The following MYO5B variants were observed in gnomAD, a reference collection of about 807,000 sequenced individuals.
MYO5B encodes the protein myosin VB.
A neutral mutation model predicts 229.3 loss-of-function variants in MYO5B; 143 were observed. The ratio of observed to expected loss-of-function variants is 0.62; its 90% CI spans 0.54 to 0.72. MYO5B has a LOEUF of 0.72. MYO5B is among the 30% of genes least tolerant of loss of function. The probability of loss-of-function intolerance (pLI) is 0.00; values close to 1 mark genes in which losing one functional copy is unlikely to be tolerated. For synonymous variants in MYO5B, 918 were observed against 885.2 expected, an observed-to-expected ratio of 1.04 and a Z score of -0.66; for missense variants, 2,321 against 2,331.0, an observed-to-expected ratio of 1.00 and a Z score of 0.09.
rs1417192283 is a variant in MYO5B, at chr18:50,169,991, T to C, written c.27+24776A>G. Among the ~76,000 whole-genome samples, 2 of 127,440 alleles carry C rather than the reference T, an allele frequency of 1.6e-5. 1 individual carries two copies. The highest frequency in any genetic ancestry group is 3.3e-5 in the Non-Finnish European group (2 of 59,856). 83.6% of individuals were successfully genotyped at this position (127,440 alleles called of 152,430 possible). On this transcript the variant is annotated intron_variant, in intron 1 of 39. Transcript: ENST00000285039. ...ATAAAATAAACTCTTTGATTGTCGA[T>C]GTCATGGTAGTAGGGTTTTCTGTTA...
intron 8 of MYO5B, among the ~76,000 whole-genome samples, chr18:49,982,365 T>C (rs1158896108): frequency 6.6e-6 from 1 of 152,186 alleles, no homozygotes; most frequent in East Asian, 1.9e-4. Context: ...GCCTACTTCC[T>C]TTACTCTTGA....
chr18:50,073,054 T>TCA (rs2030995477), intron 1 of MYO5B, among the ~76,000 whole-genome samples: 1 of 152,198 alleles, frequency 6.6e-6, no homozygotes, highest in Non-Finnish European at 1.5e-5. Flanking sequence ...CAAGGGACTC[T>TCA]CACCTAATCC....
chr18:50,097,332 A>G lies in MYO5B; in HGVS notation c.28-41954T>C, dbSNP rs921415576. On this transcript the variant is annotated intron_variant, in intron 1 of 39. Transcript: ENST00000285039. ...CAGACTGCAGGCACAGTGAAGGCAG[A>G]CACCCTGCCTTACCATTCTTTTGAT... 22 of 453,414 alleles carry G rather than the reference A, an allele frequency of 4.9e-5. 1 individual carries two copies. Among genetic ancestry groups the G allele is most frequent in the South Asian group, 3.3e-4 (21 of 64,232 alleles). The allele number at this position is 453,414 out of a possible 1,614,324, so 28.1% of individuals were successfully genotyped here.
intron 22 of MYO5B, among the ~76,000 whole-genome samples, chr18:49,893,748 G>A (rs543134311): frequency 2.6e-5 from 4 of 152,344 alleles, no homozygotes; most frequent in Admixed American, 1.3e-4. Context: ...GCTGAGGCCC[G>A]AGGTGGGAAG....
At chr18:49,914,631 T>G (rs2024992457) in intron 17 of MYO5B, among the ~76,000 whole-genome samples, 1 of 151,460 alleles carries the variant, frequency 6.6e-6, no homozygotes, top group Non-Finnish European at 1.5e-5. Flanking sequence ...AGTACAAAAA[T>G]TAGCTGGGCA....
intron 7 of MYO5B, among the ~76,000 whole-genome samples, chr18:49,986,925 A>G (rs2025876611): frequency 6.6e-6 from 1 of 152,224 alleles, no homozygotes; most frequent in African/African-American, 2.4e-5. Context: ...ACGACAATTT[A>G]TCTATGGCAT....
At chr18:49,876,402 G>A (rs1035640065) in intron 25 of MYO5B, 10 of 229,310 alleles carry the variant, frequency 4.4e-5, no homozygotes, top group Admixed American at 1.6e-4. Context: ...ACTCCAATGC[G>A]TGGGGATAGG....
chr18:50,194,193 C>T (rs1280977063), intron 1 of MYO5B, among the ~76,000 whole-genome samples: 1 of 152,266 alleles, frequency 6.6e-6, no homozygotes, highest in Non-Finnish European at 1.5e-5. Context: ...ATCCAGCCGC[C>T]GCGCCCTCAC....
intron 1 of MYO5B, among the ~76,000 whole-genome samples, chr18:50,192,051 C>T (rs1434881355): frequency 6.9e-6 from 1 of 144,572 alleles, no homozygotes; most frequent in East Asian, 2.0e-4. Flanking sequence ...CCTGTACCAG[C>T]AGACCATCCA....
At chr18:49,928,878 A>C (rs2025158315) in intron 17 of MYO5B, among the ~76,000 whole-genome samples, 1 of 152,224 alleles carries the variant, frequency 6.6e-6, no homozygotes, top group Non-Finnish European at 1.5e-5. Flanking sequence ...TGGAAAACAA[A>C]AGATGGTACA....
chr18:49,849,445 A>G, intron 32 of MYO5B, 122 bp downstream of exon 32: 1 of 817,580 alleles, frequency 1.2e-6, no homozygotes, highest in Non-Finnish European at 2.2e-6. Context: ...TGGACTGGGC[A>G]GAGCCACCAA....
At chr18:49,972,697 A>T (rs1020732081) in intron 10 of MYO5B, among the ~76,000 whole-genome samples, 2 of 152,180 alleles carry the variant, frequency 1.3e-5, no homozygotes, top group African/African-American at 4.8e-5. Context: ...AGAGAGATCA[A>T]CACATAATTA....
chr18:50,082,105 A>G (rs2144471769), intron 1 of MYO5B, among the ~76,000 whole-genome samples: 1 of 152,374 alleles, frequency 6.6e-6, no homozygotes, highest in African/African-American at 2.4e-5. Flanking sequence ...ATGTCTTTTT[A>G]TCATAGATTA....
chr18:49,893,548 G>A (rs1027003205), intron 22 of MYO5B, among the ~76,000 whole-genome samples: 1 of 152,214 alleles, frequency 6.6e-6, no homozygotes, highest in African/African-American at 2.4e-5. Flanking sequence ...CTCATGGTGG[G>A]CAGGCTGGCA....
intron 7 of MYO5B, among the ~76,000 whole-genome samples, chr18:49,988,773 A>G (rs963820588): frequency 2.0e-5 from 3 of 152,174 alleles, no homozygotes; most frequent in African/African-American, 7.2e-5. Flanking sequence ...GCTGCTTGAG[A>G]GTGACAGGCA....
At chr18:50,176,225 C>T (rs962372762) in intron 1 of MYO5B, among the ~76,000 whole-genome samples, 8 of 152,118 alleles carry the variant, frequency 5.3e-5, no homozygotes, top group Non-Finnish European at 1.0e-4. Flanking sequence ...TCATGCAGCA[C>T]CCAAATTACC....
Position 50,157,746 on chromosome 18 carries a change from C to T in MYO5B, c.27+37021G>A, listed in dbSNP as rs2032703777. ...CACCAGTGCCCAGCAAACTGATGCT[C>T]TTAACATTTACCTGTGTGGTGATTT... On this transcript the variant is annotated intron_variant, in intron 1 of 39. Transcript: ENST00000285039. 1.3e-5 allele frequency among the ~76,000 whole-genome samples: 2 copies of T among 152,196 alleles called. 1 individual carries two copies. Among genetic ancestry groups the T allele is most frequent in the South Asian group, 4.1e-4 (2 of 4,828 alleles).
chr18:50,087,063 G>GTAACCACCA (rs1287509458), intron 1 of MYO5B, among the ~76,000 whole-genome samples: 6 of 152,166 alleles, frequency 3.9e-5, no homozygotes, highest in African/African-American at 1.4e-4. Context: ...TGTGAACAAG[G>GTAACCACCA]TAACCACCAT....
chr18:49,943,654 G>A (rs889795424), intron 14 of MYO5B, among the ~76,000 whole-genome samples: 2 of 152,078 alleles, frequency 1.3e-5, no homozygotes, highest in African/African-American at 4.8e-5. Flanking sequence ...ACTTACTGAC[G>A]CTCAAATATG....
Sources: allele counts gnomAD v4.1 joint callset (sites outside exome capture counted in the v4.1 genomes callset), GRCh38; gene constraint gnomAD v4.1.1; transcripts MANE v1.5; gene names NCBI Gene and HGNC (gene_info 2026-07-23, HGNC 2026-07-21).